TTC28: variants seen among roughly 807,000 people sequenced by gnomAD.
TTC28 encodes the protein tetratricopeptide repeat domain 28.
Under a neutral mutation model 198.0 loss-of-function variants are expected in TTC28, and 61 were observed. The observed-to-expected ratio is 0.31, with a 90% CI of 0.25 to 0.38. The LOEUF (loss-of-function observed/expected upper bound fraction) is 0.38. Among genes scored for constraint, TTC28 ranks in the 10% least tolerant of loss-of-function variants. The pLI is 1.00. For synonymous variants in TTC28, 1,171 were observed against 1,297.8 expected (o/e 0.90, Z 2.10); for missense variants, 2,678 against 3,164.0 (o/e 0.85, Z 3.69).
intron 1 of TTC28, among the ~76,000 whole-genome samples, chr22:28,649,989 A>T (rs141591278): frequency 3.9e-5 from 6 of 152,284 alleles, no homozygotes; most frequent in African/African-American, 1.4e-4. Context: ...TGAGAGGGGA[A>T]CCAGTGAAAT....
At chr22:28,396,793 A>G (rs1315997122) in intron 2 of TTC28, among the ~76,000 whole-genome samples, 1 of 152,206 alleles carries the variant, frequency 6.6e-6, no homozygotes, top group Non-Finnish European at 1.5e-5. Flanking sequence ...CAACCAGACT[A>G]AACAAAATGC....
intron 5 of TTC28, among the ~76,000 whole-genome samples, chr22:28,219,272 G>GT (rs1927655128): frequency 6.6e-6 from 1 of 152,160 alleles, no homozygotes; most frequent in South Asian, 2.1e-4. Flanking sequence ...ACTTTGGGAG[G>GT]TCGAGGCAGG....
rs189097581 is a variant in TTC28 at position 28,634,953 on chromosome 22, C to T, written c.103-5123G>A. 1.6e-3 allele frequency among the ~76,000 whole-genome samples: 247 copies of T among 152,262 alleles called. 1 individual carries two copies. Among genetic ancestry groups the T allele is most frequent in the Non-Finnish European group, 2.6e-3 (176 of 68,026 alleles). ...AGAAAAAAGACCTTTGCATGTATTT[C>T]TCAGATTATATATATGTTGTACTTA... is the stretch of plus-strand genomic sequence containing the variant. On this transcript the variant is annotated intron_variant, in intron 1 of 22. Coordinates refer to ENST00000397906, the MANE Select transcript of TTC28 (RefSeq NM_001145418.2).
chr22:28,412,851 C>G (rs1013625737), intron 2 of TTC28, among the ~76,000 whole-genome samples: 4 of 152,158 alleles, frequency 2.6e-5, no homozygotes, highest in African/African-American at 9.7e-5. Flanking sequence ...CAAACTTTCT[C>G]CATTTAAAAT....
intron 5 of TTC28, among the ~76,000 whole-genome samples, chr22:28,277,651 T>A (rs1033334688): frequency 6.6e-6 from 1 of 152,330 alleles, no homozygotes; most frequent in African/African-American, 2.4e-5. Context: ...GTATCAATCA[T>A]ATTCCAAGTA....
At chr22:28,654,573 C>A (rs1479937601) in intron 1 of TTC28, among the ~76,000 whole-genome samples, 1 of 152,194 alleles carries the variant, frequency 6.6e-6, no homozygotes, top group Non-Finnish European at 1.5e-5. Flanking sequence ...GGTAATCCAC[C>A]CGCCTCGGCC....
At chr22:28,673,792 T>C (rs2145715173) in intron 1 of TTC28, among the ~76,000 whole-genome samples, 1 of 152,324 alleles carries the variant, frequency 6.6e-6, no homozygotes, top group South Asian at 2.1e-4. Context: ...ATTTGTATCA[T>C]ACTATGTCTC....
At chr22:28,545,674 A>C (rs1488019474) in intron 2 of TTC28, among the ~76,000 whole-genome samples, 3 of 152,212 alleles carry the variant, frequency 2.0e-5, no homozygotes, top group African/African-American at 4.8e-5. Context: ...TTGTATTTCT[A>C]ATACTAGCAA....
At chr22:28,366,849 T>C (rs2046255871) in intron 2 of TTC28, among the ~76,000 whole-genome samples, 1 of 151,994 alleles carries the variant, frequency 6.6e-6, no homozygotes, top group African/African-American at 2.4e-5. Context: ...AGAAGGTCAT[T>C]ATCTAATGGC....
At chr22:28,586,160 T>G (rs2050315090) in intron 2 of TTC28, among the ~76,000 whole-genome samples, 2 of 151,430 alleles carry the variant, frequency 1.3e-5, no homozygotes, top group African/African-American at 4.9e-5. Context: ...GCGCCTGTAG[T>G]CCCAGCTACT....
At chr22:28,222,821 C>A (rs1927993629) in intron 5 of TTC28, among the ~76,000 whole-genome samples, 1 of 152,222 alleles carries the variant, frequency 6.6e-6, no homozygotes, top group South Asian at 2.1e-4. Context: ...CTGAGCCGAT[C>A]TGTACAAGCC....
intron 5 of TTC28, among the ~76,000 whole-genome samples, chr22:28,268,847 A>C (rs939757377): frequency 4.6e-5 from 7 of 152,186 alleles, no homozygotes; most frequent in African/African-American, 1.7e-4. Context: ...TTTCCTCTTC[A>C]AAGTTATTTA....
chr22:28,319,112 G>A (rs1226751140), intron 2 of TTC28, among the ~76,000 whole-genome samples: 1 of 152,104 alleles, frequency 6.6e-6, no homozygotes, highest in Non-Finnish European at 1.5e-5. Flanking sequence ...ACAAATGTGA[G>A]CCATCACTCA....
intron 2 of TTC28, among the ~76,000 whole-genome samples, chr22:28,435,931 A>G (rs10483151): frequency 0.07 from 10,663 of 152,274 alleles, 549 homozygotes; most frequent in Non-Finnish European, 0.097. Flanking sequence ...TGTGTCACAA[A>G]TAACTGTAAC....
chr22:28,125,189 G>A (rs146909852), intron 6 of TTC28, among the ~76,000 whole-genome samples: 97 of 152,274 alleles, frequency 6.4e-4, no homozygotes, highest in African/African-American at 2.2e-3. Flanking sequence ...ACAAAGAAGG[G>A]TCACAACCTA....
At chr22:28,610,457 G>GA (rs2050801792) in intron 2 of TTC28, among the ~76,000 whole-genome samples, 2 of 152,302 alleles carry the variant, frequency 1.3e-5, no homozygotes, top group Non-Finnish European at 2.9e-5. Flanking sequence ...AGGGTCTAAA[G>GA]TGGACCTCCA....
intron 2 of TTC28, among the ~76,000 whole-genome samples, chr22:28,347,278 AAAAAAAAC>A (rs1448553159): frequency 2.6e-5 from 4 of 151,514 alleles, no homozygotes; most frequent in Non-Finnish European, 4.4e-5. Flanking sequence ...GAGGAAAAAA[AAAAAAAAC>A]AAAAAAAGAA....
chr22:28,008,463 T>G (rs1227233266), intron 14 of TTC28: 1 of 152,196 alleles, frequency 6.6e-6, no homozygotes, highest in Non-Finnish European at 1.5e-5. Context: ...CAAGCTGAGG[T>G]GAATGAGATG....
chr22:28,086,104 C>T (rs1293101899), intron 12 of TTC28, among the ~76,000 whole-genome samples: 4 of 152,060 alleles, frequency 2.6e-5, no homozygotes, highest in Admixed American at 6.6e-5. Context: ...GACAGATCAA[C>T]GAGACAGAAA....
Sources: gnomAD v4.1 joint callset for allele counts (sites outside exome capture counted in the v4.1 genomes callset) on GRCh38, gnomAD v4.1.1 for gene constraint, MANE v1.5 for transcripts, NCBI Gene and HGNC (gene_info 2026-07-23, HGNC 2026-07-21) for gene names.